PCYOX1L: variants seen among roughly 807,000 people sequenced by gnomAD.
PCYOX1L encodes prenylcysteine oxidase 1 like, also known as prenylcysteine oxidase 1-like.
PCYOX1L carries 40 observed loss-of-function variants against 44.1 expected under a neutral mutation model. The observed-to-expected ratio is 0.91, with a 90% confidence interval of 0.70 to 1.18. The LOEUF (loss-of-function observed/expected upper bound fraction) is 1.18. PCYOX1L is among the 50% of genes most tolerant of loss of function. The probability of loss-of-function intolerance (pLI) is 0.00; values close to 1 mark genes in which losing one functional copy is unlikely to be tolerated. For synonymous variants in PCYOX1L, 266 were observed against 282.8 expected, an observed-to-expected ratio of 0.94 and a Z score of 0.60; for missense variants, 605 against 653.3, an observed-to-expected ratio of 0.93 and a Z score of 0.81.
chr5:149,365,910 G>A, intron 3 of PCYOX1L, 32 bp from the exon 4 acceptor site: 2 of 1,611,306 alleles, frequency 1.2e-6, no homozygotes, highest in African/African-American at 1.3e-5. Flanking sequence ...AAGCCTTCCT[G>A]CACAAGGACT....
intron 1 of PCYOX1L, among the ~76,000 whole-genome samples, chr5:149,360,769 A>G (rs1421246490): frequency 1.3e-5 from 2 of 152,218 alleles, no homozygotes; most frequent in South Asian, 2.1e-4. Flanking sequence ...GAACAAAGCT[A>G]TGTGCCCACA....
At chr5:149,361,848 G>C (rs779197439) in intron 1 of PCYOX1L, among the ~76,000 whole-genome samples, 1 of 152,008 alleles carries the variant, frequency 6.6e-6, no homozygotes, top group Non-Finnish European at 1.5e-5. Flanking sequence ...GGCTGGTCTC[G>C]AACTCCTGAC....
At chr5:149,358,995 AG>A (rs1012151910) in intron 1 of PCYOX1L, among the ~76,000 whole-genome samples, 2 of 152,232 alleles carry the variant, frequency 1.3e-5, no homozygotes, top group Non-Finnish European at 2.9e-5. Flanking sequence ...TGCAGACATC[AG>A]GACACCTCAC....
intron 1 of PCYOX1L, among the ~76,000 whole-genome samples, chr5:149,359,489 A>G (rs923946128): frequency 1.3e-5 from 2 of 152,262 alleles, no homozygotes; most frequent in African/African-American, 2.4e-5. Context: ...GGCAGTATCC[A>G]TGAGTGACCA....
Position 149,369,420 on chromosome 5 carries a change from A to G in PCYOX1L, c.*766A>G, listed in dbSNP as rs1284245680. On this transcript the variant is annotated 3_prime_UTR_variant, in exon 6 of 6. Transcript: ENST00000274569. ...TATGCAAAGATTGAGGAATGCAACA[A>G]TATAAAGAAGAGAAGTCCCCAGATG... 1.3e-5 allele frequency: 2 copies of G among 152,306 alleles called. No individual in the cohort carries two copies. Among genetic ancestry groups the G allele is most frequent in the Middle Eastern group, 3.4e-3 (1 of 294 alleles). 9.4% of individuals were successfully genotyped at this position (152,306 alleles called of 1,614,324 possible).
At chr5:149,358,734 C>T (rs1757925541) in intron 1 of PCYOX1L, among the ~76,000 whole-genome samples, 2 of 152,206 alleles carry the variant, frequency 1.3e-5, no homozygotes, top group African/African-American at 4.8e-5. Context: ...ACACTAGGTC[C>T]GCTGGAGATT....
At chr5:149,359,767 C>G (rs1185478165) in intron 1 of PCYOX1L, among the ~76,000 whole-genome samples, 2 of 152,254 alleles carry the variant, frequency 1.3e-5, no homozygotes, top group African/African-American at 4.8e-5. Context: ...CAATGCCTCA[C>G]TGCCCTTCAG....
In PCYOX1L at chr5:149,364,072, C is replaced by G; in HGVS notation, c.332C>G (p.Ala111Gly). ...CGGCGCGAGGTGGTGGGCAGGAGCG[C>G]CATCTTCGGCGGGGAGCACTTCATG... is the stretch of plus-strand genomic sequence containing the variant. ...RHRREVVGRS[A>G]IFGGEHFMLE... The change falls in exon 3 of 6, where the codon GCC (alanine) becomes GGC (glycine). Residue 111 changes from alanine to glycine, a missense_variant. Transcript: ENST00000274569. 6.2e-7 allele frequency: 1 copy of G among 1,614,094 alleles called. No individual in the cohort carries two copies. The highest frequency in any genetic ancestry group is 8.5e-7 in the Non-Finnish European group (1 of 1,179,982).
chr5:149,360,194 G>T (rs1440720763), intron 1 of PCYOX1L, among the ~76,000 whole-genome samples: 1 of 152,174 alleles, frequency 6.6e-6, no homozygotes, highest in African/African-American at 2.4e-5. Flanking sequence ...TTCCATGCTG[G>T]GGTCCTGGGG....
At chr5:149,359,135 G>C (rs1332643557) in intron 1 of PCYOX1L, among the ~76,000 whole-genome samples, 1 of 151,962 alleles carries the variant, frequency 6.6e-6, no homozygotes, top group African/African-American at 2.4e-5. Flanking sequence ...CCTCACACGT[G>C]ATATTCCCAC....
At chr5:149,367,651 C>T in intron 5 of PCYOX1L, 151 bp downstream of exon 5, 1 of 1,140,084 alleles carries the variant, frequency 8.8e-7, no homozygotes, top group Non-Finnish European at 1.2e-6. Flanking sequence ...CCAGGTGACA[C>T]TAGAGGGTGC....
chr5:149,360,897 A>G (rs1298777694), intron 1 of PCYOX1L, among the ~76,000 whole-genome samples: 1 of 152,224 alleles, frequency 6.6e-6, no homozygotes, highest in Non-Finnish European at 1.5e-5. Flanking sequence ...ATTGCCTGTG[A>G]CTTCTGGCAG....
intron 5 of PCYOX1L, among the ~76,000 whole-genome samples, chr5:149,367,754 T>G (rs914025404): frequency 2.0e-5 from 3 of 152,194 alleles, no homozygotes; most frequent in African/African-American, 7.2e-5. Context: ...ATGACATCCT[T>G]GCCCACGCTC....
intron 2 of PCYOX1L, chr5:149,363,632 T>A (rs904768495): frequency 1.3e-5 from 3 of 234,066 alleles, no homozygotes; most frequent in South Asian, 6.4e-5. Flanking sequence ...TCATAGCAGC[T>A]CTGTCTGTGT....
chr5:149,358,832 A>G (rs1757928871), intron 1 of PCYOX1L, among the ~76,000 whole-genome samples: 2 of 152,206 alleles, frequency 1.3e-5, no homozygotes, highest in Admixed American at 1.3e-4. Flanking sequence ...AAATGTTCAG[A>G]TGTACAGCAA....
intron 1 of PCYOX1L, among the ~76,000 whole-genome samples, chr5:149,358,928 G>A (rs1043401336): frequency 3.9e-5 from 6 of 152,124 alleles, no homozygotes; most frequent in African/African-American, 1.4e-4. Context: ...TAACTATCAC[G>A]CACTGTTCTA....
chr5:149,368,314 G>T lies in PCYOX1L; in HGVS notation c.1145G>T (p.Ser382Ile). 1.2e-6 allele frequency: 2 copies of T among 1,614,156 alleles called. No homozygotes were observed. Among genetic ancestry groups the T allele is most frequent in the Non-Finnish European group, 1.7e-6 (2 of 1,180,032 alleles). ...ATCTGCCCTGTCAACATCTCTGCCA[G>T]CTTCCGGCGAAAGCAGCCCCAGGAG... ...DNICPVNISA[S>I]FRRKQPQEAA... Residue 382 changes from serine to isoleucine, a missense_variant, in exon 6 of 6, where the codon AGC becomes ATC. By Grantham distance (142) the Ser-to-Ile change is moderately radical (BLOSUM62 -2). Coordinates refer to ENST00000274569, the MANE Select transcript of PCYOX1L (RefSeq NM_024028.4).
Position 149,368,105 on chromosome 5 carries a change from CTT to C in PCYOX1L, c.937_938del (p.Leu313AsnfsTer10). 6.2e-7 allele frequency: 1 copy of C among 1,612,888 alleles called. No homozygotes were observed. Among genetic ancestry groups the C allele is most frequent in the Non-Finnish European group, 8.5e-7 (1 of 1,179,320 alleles). ...PLHLDNSSSNLTFAGFHPPID... is the reference protein window; with the variant it reads ...PLHLDNSSSNXTFAGFHPPID... ...TGCACCTGGACAACAGCAGCAGCAA[CTT>C]AACCTTTGCAGGCTTCCACCCGCCC... On this transcript the variant is annotated frameshift_variant, in exon 6 of 6. Coordinates refer to ENST00000274569, the MANE Select transcript of PCYOX1L (RefSeq NM_024028.4). LOFTEE classifies it high-confidence loss of function.
chr5:149,359,809 A>G (rs1030485607), intron 1 of PCYOX1L, among the ~76,000 whole-genome samples: 2 of 152,112 alleles, frequency 1.3e-5, no homozygotes, highest in African/African-American at 2.4e-5. Flanking sequence ...CTCTGACGGG[A>G]GCCTCTGTTC....
Sources: gnomAD v4.1 joint callset for allele counts (sites outside exome capture counted in the v4.1 genomes callset) on GRCh38, gnomAD v4.1.1 for gene constraint, MANE v1.5 for transcripts, NCBI Gene and HGNC (gene_info 2026-07-23, HGNC 2026-07-21) for gene names.